Variants in RPL22 observed in about 807,000 individuals in gnomAD.
The protein encoded by RPL22 is ribosomal protein L22.
RPL22 carries 4 observed loss-of-function variants against 16.2 expected under a neutral mutation model. That is an observed-to-expected ratio of 0.25 (90% CI 0.12 to 0.57). The LOEUF is 0.57. Among genes scored for constraint, RPL22 ranks in the 20% least tolerant of loss-of-function variants. RPL22 has a pLI of 0.92. For missense variants in RPL22, 83 were observed against 156.1 expected (o/e 0.53, Z 2.49); for synonymous variants, 43 against 54.8 (o/e 0.78, Z 0.95).
chr1:6,188,987 T>C (rs962679735), intron 3 of RPL22, among the ~76,000 whole-genome samples: 6 of 152,158 alleles, frequency 3.9e-5, no homozygotes, highest in Non-Finnish European at 8.8e-5. Context: ...GGTTTCTCCA[T>C]GTTGGTCAGG....
chr1:6,196,294 C>T (rs1421408854), intron 2 of RPL22, among the ~76,000 whole-genome samples: 1 of 151,948 alleles, frequency 6.6e-6, no homozygotes, highest in Non-Finnish European at 1.5e-5. Context: ...AACAGGGCCA[C>T]CATGTGAATA....
intron 2 of RPL22, among the ~76,000 whole-genome samples, chr1:6,196,114 AGATGGGGCACAGAGTG>A (rs1443020677): frequency 6.6e-6 from 1 of 152,246 alleles, no homozygotes; most frequent in Non-Finnish European, 1.5e-5. Context: ...CATTAACCAT[AGATGGGGCACAGAGTG>A]ATTAGGTCAG....
At chr1:6,192,881 G>A (rs937735962) in intron 3 of RPL22, 49 bp downstream of exon 3, 2 of 1,604,646 alleles carry the variant, frequency 1.2e-6, no homozygotes, top group South Asian at 1.1e-5. Flanking sequence ...GGAAAAGGCG[G>A]GCTGGGCACT....
chr1:6,192,144 G>A (rs1667660405), intron 3 of RPL22, among the ~76,000 whole-genome samples: 1 of 152,010 alleles, frequency 6.6e-6, no homozygotes, highest in Non-Finnish European at 1.5e-5. Context: ...TAACCTGCTG[G>A]GCTCAAGCCA....
At chr1:6,189,573 A>C (rs1312114904) in intron 3 of RPL22, among the ~76,000 whole-genome samples, 2 of 151,706 alleles carry the variant, frequency 1.3e-5, no homozygotes, top group African/African-American at 4.9e-5. Context: ...AAAGGAAAAA[A>C]AAAAATCCCT....
chr1:6,197,225 T>C (rs1667731985), intron 2 of RPL22, among the ~76,000 whole-genome samples: 1 of 152,092 alleles, frequency 6.6e-6, no homozygotes, highest in Non-Finnish European at 1.5e-5. Context: ...GGAGACGGGG[T>C]TTCACTATGT....
At position 6,186,032 on chromosome 1, in the gene RPL22, T is replaced by TA. The variant is rs1667578066; in HGVS notation, c.*639dup. On this transcript the variant is annotated 3_prime_UTR_variant, in exon 4 of 4. Transcript: ENST00000234875. ...TGCAAAGACCTGTAGAAACATTACT[T>TA]ACACGTTCATTTCTGTACACATTTA... 4.3e-6 allele frequency: 1 copy of TA among 230,904 alleles called. No individual in the cohort carries two copies. Among genetic ancestry groups the TA allele is most frequent in the Admixed American group, 5.6e-5 (1 of 17,714 alleles). 14.3% of individuals were successfully genotyped at this position (230,904 alleles called of 1,614,324 possible).
rs1175821335 is a variant in RPL22, at chr1:6,197,968, G to A, written c.13-212C>T. The A allele has an allele frequency of 2.4e-5, 14 of 582,670 alleles. No individual in the cohort carries two copies. The Admixed American group carries it at 3.7e-4, about 15-fold the overall frequency. The allele number at this position is 582,670 out of a possible 1,614,324, so 36.1% of individuals were successfully genotyped here. A position where few individuals can be genotyped will look rare whatever the true frequency, so the allele number is the denominator to read the frequency against. ...CTGCTGTACAAGCTTGGGGCCTGGG[G>A]TCATGCCCTTTTGATGGGGAAATCA... On this transcript the variant is annotated intron_variant, in intron 1 of 3. Coordinates refer to ENST00000234875, the MANE Select transcript of RPL22 (RefSeq NM_000983.4).
At chr1:6,193,410 C>T (rs151035196) in intron 2 of RPL22, among the ~76,000 whole-genome samples, 3,196 of 151,924 alleles carry the variant, frequency 0.021, 118 homozygotes, top group African/African-American at 0.073. Flanking sequence ...CTGCAACCTC[C>T]GCCTCCCAGG....
In RPL22 at chr1:6,186,439, G is replaced by A. The variant is rs1172252149; in HGVS notation, c.*233C>T. 5 of 397,730 alleles carry A rather than the reference G, an allele frequency of 1.3e-5. No individual in the cohort carries two copies. Among genetic ancestry groups the A allele is most frequent in the Middle Eastern group, 6.8e-4 (1 of 1,474 alleles). The allele number at this position is 397,730 out of a possible 1,614,324, so 24.6% of individuals were successfully genotyped here. ...CTGCCTCCCCAATGGCTGTCAGTTC[G>A]GTAAAGTCACCCTCTCCTTCTACTC... is the stretch of plus-strand genomic sequence containing the variant. On this transcript the variant is annotated 3_prime_UTR_variant, in exon 4 of 4. Transcript: ENST00000234875.
chr1:6,191,180 A>G (rs1667645216), intron 3 of RPL22, among the ~76,000 whole-genome samples: 1 of 151,074 alleles, frequency 6.6e-6, no homozygotes, highest in African/African-American at 2.4e-5. Context: ...CAACATGGTG[A>G]AACCCTGTCT....
chr1:6,188,250 C>T (rs1667606891), intron 3 of RPL22, among the ~76,000 whole-genome samples: 3 of 152,160 alleles, frequency 2.0e-5, no homozygotes, highest in Admixed American at 2.0e-4. Context: ...CCAGTCTGGT[C>T]TCGAACTCCT....
At chr1:6,199,454 A>T (rs1667766285) in intron 1 of RPL22, 108 bp downstream of exon 1, 1 of 1,483,902 alleles carries the variant, frequency 6.7e-7, no homozygotes, top group African/African-American at 1.4e-5. Context: ...AGCCCACCCC[A>T]GCAGGACGCT....
At chr1:6,195,863 G>C (rs1053703509) in intron 2 of RPL22, among the ~76,000 whole-genome samples, 3 of 151,986 alleles carry the variant, frequency 2.0e-5, no homozygotes, top group Admixed American at 1.3e-4. Flanking sequence ...AGGGGTTCGA[G>C]ACCAGCCTGA....
chr1:6,189,612 T>TAAA lies in RPL22; in HGVS notation c.243-2799_243-2797dup, dbSNP rs550383303. On this transcript the variant is annotated intron_variant, in intron 3 of 3. Transcript: ENST00000234875. ...AGTACACTGGGGAAAAAAATCAGGT[T>TAAA]AAAAAAAAAAAAAAAACCCTGTACA... 3.8e-4 allele frequency among the ~76,000 whole-genome samples: 48 copies of TAAA among 125,782 alleles called. 1 individual carries two copies. The highest frequency in any genetic ancestry group is 3.6e-3 in the East Asian group (16 of 4,460). The allele number at this position is 125,782 out of a possible 152,430, so 82.5% of individuals were successfully genotyped here.
Position 6,194,920 on chromosome 1 carries a change from C to T in RPL22, c.118-1866G>A, listed in dbSNP as rs1389373892. Reference sequence around the variant, plus strand: ...TTGGGAGACTGAGGTGGGCAGATCACGAGGTCAGGAGATCGAGACCATCCT... The same window carrying T: ...TTGGGAGACTGAGGTGGGCAGATCATGAGGTCAGGAGATCGAGACCATCCT... On this transcript the variant is annotated intron_variant, in intron 2 of 3. Transcript: ENST00000234875. 5.3e-5 allele frequency among the ~76,000 whole-genome samples: 8 copies of T among 152,188 alleles called. No individual in the cohort carries two copies. In the South Asian group the frequency reaches 1.0e-3, roughly 20 times the overall value.
At position 6,192,171 on chromosome 1, in the gene RPL22, C is replaced by A. The variant is rs900538541; in HGVS notation, c.242+759G>T. 1.4e-4 allele frequency among the ~76,000 whole-genome samples: 21 copies of A among 152,134 alleles called. 1 individual carries two copies. The Middle Eastern group carries it at 0.02, about 148-fold the overall frequency. ...CTCAAGCCATCCTCCCACTTCAGCT[C>A]CCCAAGTGGCTGGACTACAGGCACA... On this transcript the variant is annotated intron_variant, in intron 3 of 3. Transcript: ENST00000234875.
Position 6,185,489 on chromosome 1 carries a change from A to G in RPL22, c.*1183T>C, listed in dbSNP as rs558947804. 3.5e-5 allele frequency: 14 copies of G among 397,386 alleles called. No homozygotes were observed. The highest frequency in any genetic ancestry group is 6.2e-5 in the Non-Finnish European group (14 of 225,458). 24.6% of individuals were successfully genotyped at this position (397,386 alleles called of 1,614,324 possible). Reference sequence around the variant, plus strand: ...GTTCAACTCAATCCACAGAGCACCAAATGTTTAATGGGAGCCAAGGTAGGA... The same window carrying G: ...GTTCAACTCAATCCACAGAGCACCAGATGTTTAATGGGAGCCAAGGTAGGA... On this transcript the variant is annotated 3_prime_UTR_variant, in exon 4 of 4. Coordinates refer to ENST00000234875, the MANE Select transcript of RPL22 (RefSeq NM_000983.4).
intron 2 of RPL22, among the ~76,000 whole-genome samples, chr1:6,195,194 C>T (rs1373867433): frequency 1.3e-5 from 2 of 148,728 alleles, no homozygotes; most frequent in Non-Finnish European, 3.0e-5. Context: ...GCCTGTAATC[C>T]CAACACTTTG....
Sources: gnomAD v4.1 joint callset for allele counts (sites outside exome capture counted in the v4.1 genomes callset) on GRCh38, gnomAD v4.1.1 for gene constraint, MANE v1.5 for transcripts, NCBI Gene and HGNC (gene_info 2026-07-23, HGNC 2026-07-21) for gene names.